The following TCERG1 variants were observed in gnomAD, a reference collection of about 807,000 sequenced individuals.
TCERG1 encodes the protein transcription elongation regulator 1.
A neutral mutation model predicts 144.7 loss-of-function variants in TCERG1; 37 were observed. The ratio of observed to expected loss-of-function variants is 0.26; its 90% CI spans 0.20 to 0.34. The LOEUF (loss-of-function observed/expected upper bound fraction) is 0.34, where lower values mean the gene tolerates loss of function less well. Ranked by LOEUF, TCERG1 falls within the 10% of genes least tolerant of loss-of-function variation. The pLI is 1.00. For missense variants in TCERG1, 1,027 were observed against 1,380.7 expected (o/e 0.74, Z 4.06); for synonymous variants, 492 against 458.2 (o/e 1.07, Z -0.94).
intron 17 of TCERG1, 103 bp from the exon 18 acceptor site, chr5:146,503,272 A>G: frequency 9.8e-7 from 1 of 1,018,104 alleles, no homozygotes; most frequent in Non-Finnish European, 1.4e-6. Flanking sequence ...TCTCATATTT[A>G]AGGTAGGTGA....
chr5:146,478,586 G>A lies in TCERG1; in HGVS notation c.1695G>A (p.Arg565=). 6.2e-7 allele frequency: 1 copy of A among 1,611,064 alleles called. No homozygotes were observed. Among genetic ancestry groups the A allele is most frequent in the Non-Finnish European group, 8.5e-7 (1 of 1,179,060 alleles). The change falls in exon 10 of 23, where the codon AGG becomes AGA. Residue 565 remains arginine, a synonymous_variant. Transcript: ENST00000679501. ...MWDRPDDLIG[R]ADVDKIIQEP... ...ACCGACCTGATGATCTGATTGGCAG[G>A]GCAGATGTTGACAAAATTATTCAGG...
chr5:146,508,125 T>C (rs536073215), intron 21 of TCERG1, among the ~76,000 whole-genome samples, 169 bp downstream of exon 21: 2 of 152,366 alleles, frequency 1.3e-5, no homozygotes, highest in East Asian at 3.9e-4. Flanking sequence ...TCTTGCATGA[T>C]AAATTAGCAA....
intron 15 of TCERG1, among the ~76,000 whole-genome samples, chr5:146,488,615 AC>A (rs1292438212): frequency 6.6e-6 from 1 of 152,216 alleles, no homozygotes; most frequent in Non-Finnish European, 1.5e-5. Context: ...CTCTTTATAT[AC>A]TGTTGGTTAG....
chr5:146,487,044 T>A (rs964759628), intron 15 of TCERG1, among the ~76,000 whole-genome samples: 2 of 151,982 alleles, frequency 1.3e-5, no homozygotes, highest in Non-Finnish European at 2.9e-5. Context: ...GAACCGAGAT[T>A]GTGCCATCGC....
At chr5:146,484,580 T>C (rs916140874) in intron 15 of TCERG1, among the ~76,000 whole-genome samples, 12 of 146,696 alleles carry the variant, frequency 8.2e-5, no homozygotes, top group Admixed American at 4.0e-4. Context: ...GTGCCAGATA[T>C]GTATTTTAGT....
At chr5:146,454,123 C>T (rs1026245655) in intron 1 of TCERG1, among the ~76,000 whole-genome samples, 19 of 151,430 alleles carry the variant, frequency 1.3e-4, no homozygotes, top group Non-Finnish European at 2.8e-4. Context: ...ATCGCCTGAA[C>T]CCGGGAGGCG....
Position 146,454,037 on chromosome 5 carries a change from CAAAAAA to C in TCERG1, c.60-1000_60-995del, listed in dbSNP as rs56657111. 8.7e-4 allele frequency among the ~76,000 whole-genome samples: 113 copies of C among 129,850 alleles called. 1 individual carries two copies. Among genetic ancestry groups the C allele is most frequent in the African/African-American group, 3.3e-3 (109 of 33,044 alleles). The allele number at this position is 129,850 out of a possible 152,430, so 85.2% of individuals were successfully genotyped here. A position where few individuals can be genotyped will look rare whatever the true frequency, so the allele number is the denominator to read the frequency against. On this transcript the variant is annotated intron_variant, in intron 1 of 22. Coordinates refer to ENST00000679501, the MANE Select transcript of TCERG1 (RefSeq NM_001382548.1). ...GTGAAACCCCATCTCTACTCAAATA[CAAAAAA>C]AAAAAAAAAAAAAAAAAATTAGCCG...
Position 146,507,332 on chromosome 5 carries a change from A to G in TCERG1, c.2961+125A>G. On this transcript the variant is annotated intron_variant, in intron 20 of 22. Transcript: ENST00000679501. This position sits in a 1 kb window ranked among gnomAD's most constrained non-coding sequence, Gnocchi z 4.6. ...ATTCATTACTGGAATGCATCTTATG[A>G]CAATTCTCTGATTTTAAAAAATTAT... 3.4e-6 allele frequency: 3 copies of G among 884,342 alleles called. No individual in the cohort carries two copies. Among genetic ancestry groups the G allele is most frequent in the Non-Finnish European group, 4.9e-6 (3 of 612,924 alleles). 54.8% of individuals were successfully genotyped at this position (884,342 alleles called of 1,614,324 possible).
chr5:146,472,105 T>C (rs936606711), intron 9 of TCERG1, among the ~76,000 whole-genome samples: 1 of 152,240 alleles, frequency 6.6e-6, no homozygotes, highest in Non-Finnish European at 1.5e-5. Context: ...TTCATAATTA[T>C]AGACATGACC....
chr5:146,459,364 AT>A, intron 4 of TCERG1, 27 bp downstream of exon 4: 3 of 1,603,776 alleles, frequency 1.9e-6, no homozygotes, highest in African/African-American at 1.3e-5. Context: ...ATGTGTTTTT[AT>A]ATAGGGGCTA....
chr5:146,484,017 T>C (rs907418411), intron 15 of TCERG1, among the ~76,000 whole-genome samples: 8 of 152,160 alleles, frequency 5.3e-5, no homozygotes, highest in Non-Finnish European at 8.8e-5. Flanking sequence ...TCCCAACTAA[T>C]AGATATGACT....
intron 15 of TCERG1, 193 bp from the exon 16 acceptor site, chr5:146,492,727 A>G: frequency 2.5e-6 from 1 of 394,552 alleles, no homozygotes; most frequent in South Asian, 6.3e-5. Context: ...AAGCCTAAGT[A>G]GAGAGCTGTG....
rs1353916133 is a variant in TCERG1 at position 146,455,300 on chromosome 5, G to A, written c.285+19G>A. 1 of 1,611,578 alleles carries A rather than the reference G, an allele frequency of 6.2e-7. No homozygotes were observed. The highest frequency in any genetic ancestry group is 8.5e-7 in the Non-Finnish European group (1 of 1,178,188). On this transcript the variant is annotated intron_variant, in intron 2 of 22. Coordinates refer to ENST00000679501, the MANE Select transcript of TCERG1 (RefSeq NM_001382548.1). ...CCTCCAGGTAAAGAATGTAGAGGTT[G>A]CCATTTCTTTGTTGGCATCATTATC...
chr5:146,507,309 T>C lies in TCERG1; in HGVS notation c.2961+102T>C. 1 of 1,096,996 alleles carries C rather than the reference T, an allele frequency of 9.1e-7. No individual in the cohort carries two copies. Among genetic ancestry groups the C allele is most frequent in the Non-Finnish European group, 1.3e-6 (1 of 784,556 alleles). The allele number at this position is 1,096,996 out of a possible 1,614,324, so 68.0% of individuals were successfully genotyped here. A position where few individuals can be genotyped will look rare whatever the true frequency, so the allele number is the denominator to read the frequency against. ...ATTTTTAGTGTCATGGTCTTTAGAT[T>C]CATTACTGGAATGCATCTTATGACA... On this transcript the variant is annotated intron_variant, in intron 20 of 22. Transcript: ENST00000679501. This position sits in a 1 kb window ranked among gnomAD's most constrained non-coding sequence, Gnocchi z 4.6.
intron 15 of TCERG1, among the ~76,000 whole-genome samples, chr5:146,491,116 A>G (rs1431235425): frequency 6.7e-6 from 1 of 148,870 alleles, no homozygotes; most frequent in Non-Finnish European, 1.5e-5. Context: ...GACCCTGACT[A>G]CTTAAGTGAA....
intron 1 of TCERG1, among the ~76,000 whole-genome samples, chr5:146,452,398 T>A (rs1259064076): frequency 5.9e-5 from 9 of 152,136 alleles, no homozygotes; most frequent in African/African-American, 2.2e-4. Context: ...TTTTTTAAGA[T>A]CCTGCATACG....
intron 15 of TCERG1, among the ~76,000 whole-genome samples, chr5:146,490,321 G>A (rs986886267): frequency 6.6e-6 from 1 of 152,138 alleles, no homozygotes; most frequent in Admixed American, 6.5e-5. Flanking sequence ...AGGTATTTTG[G>A]AACATTTTGT....
chr5:146,479,773 T>A (rs1340366368), intron 10 of TCERG1, 82 bp from the exon 11 acceptor site: 1 of 1,364,400 alleles, frequency 7.3e-7, no homozygotes, highest in African/African-American at 1.5e-5. Context: ...GAATATATTA[T>A]GTAAACAGTA....
intron 1 of TCERG1, among the ~76,000 whole-genome samples, chr5:146,447,744 G>C (rs1761999741): frequency 6.6e-6 from 1 of 152,226 alleles, no homozygotes; most frequent in African/African-American, 2.4e-5. Flanking sequence ...CGGCCGACCT[G>C]AGTCTGTCCC....
Sources: allele counts gnomAD v4.1 joint callset (sites outside exome capture counted in the v4.1 genomes callset), GRCh38; gene constraint gnomAD v4.1.1; non-coding constraint Gnocchi (gnomAD v3.1); transcripts MANE v1.5; gene names NCBI Gene and HGNC (gene_info 2026-07-23, HGNC 2026-07-21).